SMU1: variants seen among roughly 807,000 people sequenced by gnomAD.
The protein encoded by SMU1 is SMU1 DNA replication regulator and spliceosomal factor.
A neutral mutation model predicts 62.0 loss-of-function variants in SMU1; 2 were observed. That is an observed-to-expected ratio of 0.03 (90% confidence interval 0.01 to 0.10). The LOEUF is 0.10. Among genes scored for constraint, SMU1 ranks in the 10% least tolerant of loss-of-function variants. The pLI, the probability that SMU1 is intolerant of heterozygous loss-of-function variation, is 1.00. For missense variants in SMU1, 227 were observed against 622.1 expected (o/e 0.36, Z 6.76); for synonymous variants, 188 against 212.4 (o/e 0.89, Z 1.00).
At chr9:33,073,498 C>A in intron 2 of SMU1, 98 bp downstream of exon 2, 1 of 760,630 alleles carries the variant, frequency 1.3e-6, no homozygotes, top group South Asian at 1.7e-5. Context: ...CTGATGCAGC[C>A]CTACCGTGCT....
At chr9:33,058,483 A>C (rs1326825357) in intron 6 of SMU1, among the ~76,000 whole-genome samples, 1 of 151,996 alleles carries the variant, frequency 6.6e-6, no homozygotes, top group Non-Finnish European at 1.5e-5. Context: ...CACCCAGCTA[A>C]TTTTTACATT....
chr9:33,064,736 T>C (rs2119441697), intron 4 of SMU1, among the ~76,000 whole-genome samples: 1 of 151,652 alleles, frequency 6.6e-6, no homozygotes, highest in South Asian at 2.1e-4. Flanking sequence ...GCTAAATATA[T>C]TTTTTCTTTT....
chr9:33,068,780 C>T lies in SMU1; in HGVS notation c.501+44G>A, dbSNP rs1177774537. On this transcript the variant is annotated intron_variant, in intron 4 of 11. Coordinates refer to ENST00000397149, the MANE Select transcript of SMU1 (RefSeq NM_018225.3). ...TCAGCCTCCCAAAGTGCAAGGATGA[C>T]AGGTGTGAGCCACCACACCTGGCCT... 3 of 1,604,972 alleles carry T rather than the reference C, an allele frequency of 1.9e-6. No individual in the cohort carries two copies. The African/African-American group carries it at 4.0e-5, about 21-fold the overall frequency.
chr9:33,060,573 T>C lies in SMU1; in HGVS notation c.642A>G (p.Lys214=). Reference sequence around the variant, plus strand: ...AAAATCGAGCACACTCCACATGTGATTTCTGACCAAACTGTTTCAAATGAA... The same window carrying C: ...AAAATCGAGCACACTCCACATGTGACTTCTGACCAAACTGTTTCAAATGAA... The part of the protein sequence containing the change: ...QLSRHIKFGQ[K]SHVECARFSP... The change falls in exon 6 of 12, where the codon AAA becomes AAG. Residue 214 remains lysine (K), a synonymous_variant. Coordinates refer to ENST00000397149, the MANE Select transcript of SMU1 (RefSeq NM_018225.3). The C allele has an allele frequency of 1.9e-6, 3 of 1,609,322 alleles. No individual in the cohort carries two copies. The highest frequency in any genetic ancestry group is 1.7e-6 in the Non-Finnish European group (2 of 1,179,046).
At chr9:33,057,840 C>T (rs1839319176) in intron 6 of SMU1, 126 bp from the exon 7 acceptor site, 1 of 1,175,462 alleles carries the variant, frequency 8.5e-7, no homozygotes, top group African/African-American at 1.5e-5. Flanking sequence ...AACAGAAGTG[C>T]CGTGCATACA....
rs991407711 is a variant in SMU1, at chr9:33,053,419, G to C, written c.1123-129C>G. 3 of 926,716 alleles carry C rather than the reference G, an allele frequency of 3.2e-6. No homozygotes were observed. The African/African-American group carries it at 5.0e-5, about 16-fold the overall frequency. The allele number at this position is 926,716 out of a possible 1,614,324, so 57.4% of individuals were successfully genotyped here. On this transcript the variant is annotated intron_variant, in intron 9 of 11. Transcript: ENST00000397149. Reference sequence around the variant, plus strand: ...TTCAGGGGAAAAAAGTTTCTTACTTGATTTTAGGTCCAATCAAATACCCAG... The same window carrying C: ...TTCAGGGGAAAAAAGTTTCTTACTTCATTTTAGGTCCAATCAAATACCCAG...
At chr9:33,048,367 C>G (rs1839208824) in intron 10 of SMU1, 109 bp from the exon 11 acceptor site, 9 of 1,382,178 alleles carry the variant, frequency 6.5e-6, no homozygotes, top group Non-Finnish European at 8.9e-6. Flanking sequence ...CTTTGGTTTA[C>G]TATCATTTGT....
At chr9:33,062,201 G>A (rs771259811) in intron 4 of SMU1, 24 bp from the exon 5 acceptor site, 10 of 1,580,706 alleles carry the variant, frequency 6.3e-6, no homozygotes, top group Non-Finnish European at 8.6e-6. Flanking sequence ...AAAAAATATA[G>A]CAATCTGTTC....
At chr9:33,056,993 A>T in intron 7 of SMU1, 29 bp from the exon 8 acceptor site, 1 of 1,592,278 alleles carries the variant, frequency 6.3e-7, no homozygotes, top group Non-Finnish European at 8.5e-7. Context: ...AAAGAATTAA[A>T]AAAACCTTGT....
chr9:33,068,212 C>G (rs1246919848), intron 4 of SMU1, among the ~76,000 whole-genome samples: 4 of 152,170 alleles, frequency 2.6e-5, no homozygotes, highest in Non-Finnish European at 4.4e-5. Context: ...TCCAATCTTT[C>G]CAGGACAGTT....
Position 33,076,663 on chromosome 9 carries a change from C to T in SMU1, c.-55G>A, listed in dbSNP as rs909600694. ...CTCTCCCTCAAGGCCAGTCGCGCAA[C>T]ACACCAACGACACCTCCGGCGGACA... On this transcript the variant is annotated 5_prime_UTR_variant, in exon 1 of 12. Transcript: ENST00000397149. 40 of 1,612,786 alleles carry T rather than the reference C, an allele frequency of 2.5e-5. No individual in the cohort carries two copies. The highest frequency in any genetic ancestry group is 3.0e-5 in the Non-Finnish European group (35 of 1,179,792).
intron 1 of SMU1, among the ~76,000 whole-genome samples, chr9:33,075,332 G>A (rs1485803310): frequency 6.6e-6 from 1 of 151,928 alleles, no homozygotes; most frequent in Admixed American, 6.5e-5. Flanking sequence ...AGCGGAGATC[G>A]CGCCACTGCA....
chr9:33,073,444 A>C, intron 2 of SMU1, 152 bp downstream of exon 2: 1 of 594,050 alleles, frequency 1.7e-6, no homozygotes, highest in Non-Finnish European at 3.0e-6. Context: ...TTTTCCAAGA[A>C]GGGAGAAAAA....
At chr9:33,068,769 T>C (rs1587712461) in intron 4 of SMU1, 55 bp downstream of exon 4, 2 of 1,594,428 alleles carry the variant, frequency 1.3e-6, no homozygotes, top group East Asian at 2.3e-5. Context: ...CCTCCCAAAG[T>C]GCAAGGATGA....
chr9:33,059,405 G>A (rs1839337807), intron 6 of SMU1, among the ~76,000 whole-genome samples: 1 of 150,678 alleles, frequency 6.6e-6, no homozygotes, highest in African/African-American at 2.4e-5. Flanking sequence ...TTGTTTTTTT[G>A]AACTTTGTAT....
intron 4 of SMU1, among the ~76,000 whole-genome samples, chr9:33,063,384 G>A (rs1442537751): frequency 1.3e-5 from 2 of 151,940 alleles, no homozygotes; most frequent in African/African-American, 4.8e-5. Flanking sequence ...CTAATTCATA[G>A]AGGATAAAAC....
At position 33,076,657 on chromosome 9, in the gene SMU1, G is replaced by A. The variant is rs373485855; in HGVS notation, c.-49C>T. 27 of 1,612,980 alleles carry A rather than the reference G, an allele frequency of 1.7e-5. No homozygotes were observed. Among genetic ancestry groups the A allele is most frequent in the African/African-American group, 2.7e-5 (2 of 74,894 alleles). On this transcript the variant is annotated 5_prime_UTR_variant, in exon 1 of 12. Coordinates refer to ENST00000397149, the MANE Select transcript of SMU1 (RefSeq NM_018225.3). ...CCCCAGCTCTCCCTCAAGGCCAGTC[G>A]CGCAACACACCAACGACACCTCCGG...
intron 6 of SMU1, among the ~76,000 whole-genome samples, 198 bp from the exon 7 acceptor site, chr9:33,057,912 C>T (rs1839320075): frequency 6.6e-6 from 1 of 152,152 alleles, no homozygotes; most frequent in Admixed American, 6.5e-5. Context: ...TTATACAATT[C>T]AAATTAGTAT....
intron 4 of SMU1, among the ~76,000 whole-genome samples, chr9:33,068,397 G>A (rs1839446484): frequency 6.6e-6 from 1 of 152,132 alleles, no homozygotes; most frequent in Non-Finnish European, 1.5e-5. Context: ...CACAGTTACT[G>A]GAATAAGCAA....
Sources: allele counts gnomAD v4.1 joint callset (sites outside exome capture counted in the v4.1 genomes callset), GRCh38; gene constraint gnomAD v4.1.1; transcripts MANE v1.5; gene names NCBI Gene and HGNC (gene_info 2026-07-23, HGNC 2026-07-21).